Variants in KIAA0825 observed in about 807,000 individuals in gnomAD.
KIAA0825 encodes uncharacterized protein KIAA0825.
Under a neutral mutation model 147.6 loss-of-function variants are expected in KIAA0825, and 119 were observed. That is an observed-to-expected ratio of 0.81 (90% confidence interval 0.69 to 0.94). The LOEUF is 0.94. Ranked by LOEUF, KIAA0825 falls within the 40% of genes least tolerant of loss-of-function variation. KIAA0825 has a pLI of 0.00. For missense variants in KIAA0825, 1,381 were observed against 1,472.7 expected (o/e 0.94, Z 1.02); for synonymous variants, 470 against 518.1 (o/e 0.91, Z 1.26).
chr5:94,601,383 C>T (rs1423876727), intron 1 of KIAA0825, among the ~76,000 whole-genome samples: 1 of 152,094 alleles, frequency 6.6e-6, no homozygotes, highest in Non-Finnish European at 1.5e-5. Context: ...CGAAAAAACC[C>T]CAAACCCCAT....
At chr5:94,463,460 C>G (rs1031020878) in intron 11 of KIAA0825, among the ~76,000 whole-genome samples, 1 of 149,984 alleles carries the variant, frequency 6.7e-6, no homozygotes, top group Non-Finnish European at 1.5e-5. Flanking sequence ...CATTTGGAGG[C>G]TACTGGAATA....
chr5:94,535,178 C>G (rs1771704881), intron 3 of KIAA0825, among the ~76,000 whole-genome samples: 1 of 151,842 alleles, frequency 6.6e-6, no homozygotes, highest in Non-Finnish European at 1.5e-5. Flanking sequence ...AAAGATTTCC[C>G]TCCTCTCCTT....
intron 5 of KIAA0825, among the ~76,000 whole-genome samples, chr5:94,513,723 T>C (rs1417803778): frequency 6.6e-6 from 1 of 151,962 alleles, no homozygotes; most frequent in Non-Finnish European, 1.5e-5. Context: ...ACCACACATC[T>C]ACCCAAGCAC....
In KIAA0825 at chr5:94,410,618, G is replaced by A. The variant is rs1179335585; in HGVS notation, c.2662+6583C>T. On this transcript the variant is annotated intron_variant, in intron 15 of 20. Transcript: ENST00000682413. ...TAAAAGAAGACATATTACATAAAAG[G>A]AAACAGATACTGTAAATATTTCCAC... Among the ~76,000 whole-genome samples the A allele has an allele frequency of 2.0e-5, 3 of 152,026 alleles. No individual in the cohort carries two copies. The East Asian group carries it at 5.8e-4, about 29-fold the overall frequency.
At chr5:94,412,078 G>T (rs1427120862) in intron 15 of KIAA0825, among the ~76,000 whole-genome samples, 1 of 151,910 alleles carries the variant, frequency 6.6e-6, no homozygotes, top group Non-Finnish European at 1.5e-5. Context: ...ATAAAACAAA[G>T]AATTTATGTG....
At chr5:94,454,803 C>A (rs902667258) in intron 12 of KIAA0825, among the ~76,000 whole-genome samples, 1 of 152,010 alleles carries the variant, frequency 6.6e-6, no homozygotes, top group African/African-American at 2.4e-5. Flanking sequence ...GGCAATATTG[C>A]AGTAGACAGG....
intron 20 of KIAA0825, among the ~76,000 whole-genome samples, chr5:94,159,810 TA>T (rs1017341942): frequency 6.6e-6 from 1 of 152,168 alleles, no homozygotes; most frequent in African/African-American, 2.4e-5. Flanking sequence ...CGATAACCAA[TA>T]AAATACTTGA....
intron 17 of KIAA0825, among the ~76,000 whole-genome samples, chr5:94,391,907 C>T (rs1016752210): frequency 2.0e-5 from 3 of 152,146 alleles, no homozygotes; most frequent in African/African-American, 4.8e-5. Flanking sequence ...AAAATTGAAT[C>T]GTTTCTTCTA....
At chr5:94,548,021 A>T (rs2151420866) in intron 2 of KIAA0825, among the ~76,000 whole-genome samples, 1 of 152,306 alleles carries the variant, frequency 6.6e-6, no homozygotes, top group South Asian at 2.1e-4. Context: ...TGATAAAGGG[A>T]ATTCTTCAAA....
At chr5:94,241,365 C>T (rs1775335163) in intron 20 of KIAA0825, among the ~76,000 whole-genome samples, 1 of 152,188 alleles carries the variant, frequency 6.6e-6, no homozygotes, top group Admixed American at 6.5e-5. Flanking sequence ...TCATCATTAA[C>T]ATCTGAAGCC....
At chr5:94,451,127 C>A (rs1348112541) in intron 13 of KIAA0825, among the ~76,000 whole-genome samples, 6 of 152,206 alleles carry the variant, frequency 3.9e-5, no homozygotes, top group Admixed American at 6.5e-5. Context: ...ACTCTAAAAA[C>A]TGAGTTGGCT....
chr5:94,609,695 T>TGAGGCAGGAGTGGGAGGCC (rs1239847686), intron 1 of KIAA0825, among the ~76,000 whole-genome samples: 35 of 152,232 alleles, frequency 2.3e-4, no homozygotes, highest in Admixed American at 2.0e-3. Context: ...TACGGGAGGC[T>TGAGGCAGGAGTGGGAGGCC]GAGGCAGGAG....
chr5:94,469,862 A>G, intron 10 of KIAA0825, 99 bp downstream of exon 10: 2 of 886,422 alleles, frequency 2.3e-6, no homozygotes, highest in Non-Finnish European at 3.2e-6. Flanking sequence ...GCCTTCGGGT[A>G]TTAGTAATGC....
At position 94,473,434 on chromosome 5, in the gene KIAA0825, C is replaced by G. The variant is rs1761458481; in HGVS notation, c.1313G>C (p.Gly438Ala). 1 of 1,551,954 alleles carries G rather than the reference C, an allele frequency of 6.4e-7. No homozygotes were observed. Among genetic ancestry groups the G allele is most frequent in the East Asian group, 2.4e-5 (1 of 40,918 alleles). ...MAHCVVTAIE[G>A]FSTKILQQEQ... ...CTGTTGGAGAATTTTTGTGGAAAAA[C>G]CTTCAATTGCAGTTACTACGCAGTG... Residue 438 changes from glycine to alanine, a missense_variant, in exon 8 of 21, where the codon GGT becomes GCT. Coordinates refer to ENST00000682413, the MANE Select transcript of KIAA0825 (RefSeq NM_001145678.3).
intron 1 of KIAA0825, among the ~76,000 whole-genome samples, chr5:94,589,276 A>T (rs1783907840): frequency 6.6e-6 from 1 of 152,240 alleles, no homozygotes; most frequent in African/African-American, 2.4e-5. Flanking sequence ...ACAAGGTCCC[A>T]GGTAAAGCCA....
At chr5:94,158,014 G>A (rs753004425) in intron 20 of KIAA0825, among the ~76,000 whole-genome samples, 1 of 152,096 alleles carries the variant, frequency 6.6e-6, no homozygotes, top group African/African-American at 2.4e-5. Context: ...CCTTTTACTA[G>A]GAGAAAAACA....
intron 12 of KIAA0825, among the ~76,000 whole-genome samples, chr5:94,458,918 T>C (rs1759472610): frequency 6.6e-6 from 1 of 152,128 alleles, no homozygotes; most frequent in Non-Finnish European, 1.5e-5. Context: ...CTCCTAAGTA[T>C]CTAATTTTAG....
At chr5:94,501,998 A>G (rs1296943889) in intron 5 of KIAA0825, among the ~76,000 whole-genome samples, 1 of 152,220 alleles carries the variant, frequency 6.6e-6, no homozygotes, top group Non-Finnish European at 1.5e-5. Context: ...GTATTGATAC[A>G]AAAGTGATCT....
chr5:94,583,143 G>A (rs1782549115), intron 1 of KIAA0825, among the ~76,000 whole-genome samples: 1 of 152,186 alleles, frequency 6.6e-6, no homozygotes, highest in Admixed American at 6.5e-5. Context: ...TCCAACTGAA[G>A]TACCTGGTTC....
Sources: gnomAD v4.1 joint callset for allele counts (sites outside exome capture counted in the v4.1 genomes callset) on GRCh38, gnomAD v4.1.1 for gene constraint, MANE v1.5 for transcripts, NCBI Gene and HGNC (gene_info 2026-07-23, HGNC 2026-07-21) for gene names.